Variants in KIF7 observed in about 807,000 individuals in gnomAD.
KIF7 encodes the protein kinesin family member 7.
Under a neutral mutation model 135.7 loss-of-function variants are expected in KIF7, and 104 were observed. That is an observed-to-expected ratio of 0.77 (90% CI 0.65 to 0.90). The LOEUF (loss-of-function observed/expected upper bound fraction) is 0.90, where lower values mean the gene tolerates loss of function less well. KIF7 is among the 40% of genes least tolerant of loss of function. KIF7 has a pLI of 0.00. For missense variants in KIF7, 2,005 were observed against 1,839.1 expected (o/e 1.09, Z -1.65); for synonymous variants, 883 against 809.4 (o/e 1.09, Z -1.54).
intron 11 of KIF7, 91 bp downstream of exon 11, chr15:89,642,112 G>C (rs1596074167): frequency 7.5e-7 from 1 of 1,337,686 alleles, no homozygotes; most frequent in South Asian, 1.2e-5. Context: ...AGTGAACTTG[G>C]GCCTCAGAGC....
upstream of KIF7, among the ~76,000 whole-genome samples, chr15:89,656,178 G>T (rs145708215): frequency 6.6e-6 from 1 of 152,230 alleles, no homozygotes; most frequent in Admixed American, 6.5e-5. Flanking sequence ...GAAATTGCCA[G>T]GCTCGTCAGA....
At chr15:89,632,200 C>A (rs561075564) in intron 14 of KIF7, among the ~76,000 whole-genome samples, 44 of 152,322 alleles carry the variant, frequency 2.9e-4, no homozygotes, top group African/African-American at 1.0e-3. Context: ...CTCTGCGGGC[C>A]TAGGACACTG....
At chr15:89,643,827 G>A (rs1049894768) in intron 10 of KIF7, among the ~76,000 whole-genome samples, 5 of 144,876 alleles carry the variant, frequency 3.5e-5, no homozygotes, top group African/African-American at 1.3e-4. Flanking sequence ...AGAGGTTGCA[G>A]TGAGCCAACA....
At chr15:89,642,173 A>G (rs774475886) in intron 11 of KIF7, 30 bp downstream of exon 11, 1 of 1,604,990 alleles carries the variant, frequency 6.2e-7, no homozygotes, top group Non-Finnish European at 8.5e-7. Context: ...GAGTCACCCC[A>G]GCACCCCACC....
At chr15:89,619,647 C>A in intron 1 of KIF7, 1 of 1,548,696 alleles carries the variant, frequency 6.5e-7, no homozygotes. Flanking sequence ...TTTTGGACAA[C>A]ATGAGAAAAT....
chr15:89,624,283 TTTA>T, downstream of KIF7: 2 of 1,614,200 alleles, frequency 1.2e-6, no homozygotes, highest in Non-Finnish European at 1.7e-6. Context: ...GAAGAGTCCA[TTTA>T]GGAAATCTAA....
At chr15:89,642,455 G>T in intron 10 of KIF7, 50 bp from the exon 11 acceptor site, 1 of 1,501,776 alleles carries the variant, frequency 6.7e-7, no homozygotes. Context: ...CCACCGAGAG[G>T]GCCAGCTGTT....
Position 89,645,550 on chromosome 15 carries a change from C to T in KIF7, c.1923-99G>A, listed in dbSNP as rs1963997001. On this transcript the variant is annotated intron_variant, in intron 8 of 18. Coordinates refer to ENST00000394412, the MANE Select transcript of KIF7 (RefSeq NM_198525.3). ...GAAGAAGAGAGGCCACCGGGTCTTC[C>T]ACCTCCCAGGGTCAATATAAACCCA... 3 of 936,082 alleles carry T rather than the reference C, an allele frequency of 3.2e-6. No individual in the cohort carries two copies. The Admixed American group carries it at 6.0e-5, about 19-fold the overall frequency. 58.0% of individuals were successfully genotyped at this position (936,082 alleles called of 1,614,324 possible).
intron 14 of KIF7, among the ~76,000 whole-genome samples, chr15:89,631,912 G>C (rs187343079): frequency 2.0e-5 from 3 of 152,326 alleles, no homozygotes; most frequent in South Asian, 2.1e-4. Context: ...TTTGCAGAGG[G>C]GCACTCAGAG....
chr15:89,624,066 G>A (rs368018768), downstream of KIF7: 357 of 1,613,696 alleles, frequency 2.2e-4, 2 homozygotes, highest in African/African-American at 3.8e-3. Flanking sequence ...GAACACCTCC[G>A]AGAGCAGCAG....
chr15:89,654,298 C>CGCA (rs57024181), intron 1 of KIF7, among the ~76,000 whole-genome samples: 41,461 of 150,104 alleles, frequency 0.28, 6,268 homozygotes, highest in East Asian at 0.43. Context: ...CGTAAGTCAC[C>CGCA]GTGCCCGGCC....
chr15:89,625,852 C>T, downstream of KIF7: 1 of 1,547,098 alleles, frequency 6.5e-7, no homozygotes. Context: ...GACAAGGAGG[C>T]ACTTGGGAGT....
chr15:89,644,886 T>C (rs981170399), intron 10 of KIF7, 127 bp downstream of exon 10: 3 of 1,237,258 alleles, frequency 2.4e-6, no homozygotes, highest in Non-Finnish European at 3.5e-6. Flanking sequence ...CTGGGCTGAG[T>C]ATCAAACCTA....
chr15:89,632,691 G>A (rs930105501), intron 14 of KIF7, 129 bp downstream of exon 14: 20 of 958,186 alleles, frequency 2.1e-5, no homozygotes, highest in African/African-American at 8.0e-5. Context: ...TCACTTGGAA[G>A]GACCTCACTT....
chr15:89,652,976 C>A, intron 1 of KIF7, 22 bp from the exon 2 acceptor site: 1 of 1,446,228 alleles, frequency 6.9e-7, no homozygotes, highest in South Asian at 1.4e-5. Flanking sequence ...GAGAGAAGCC[C>A]TGGCCATCAG....
In KIF7 at chr15:89,628,681, C is replaced by A. The variant is rs1208922826; in HGVS notation, c.3770G>T (p.Gly1257Val). 1.9e-6 allele frequency: 3 copies of A among 1,612,872 alleles called. No individual in the cohort carries two copies. Among genetic ancestry groups the A allele is most frequent in the Non-Finnish European group, 8.5e-7 (1 of 1,179,898 alleles). Residue 1257 changes from glycine (G) to valine (V), a missense_variant, in exon 19 of 19, where the codon GGG becomes GTG. Coordinates refer to ENST00000394412, the MANE Select transcript of KIF7 (RefSeq NM_198525.3). ...CGTCTCCTCCCGGGTGCGGGGGGCCCCCTCAGTGAGGGGGGACAGCCAGAG... is the reference window on the plus strand; with the variant it reads ...CGTCTCCTCCCGGGTGCGGGGGGCCACCTCAGTGAGGGGGGACAGCCAGAG... ...ELLWLSPLTE[G>V]APRTREETRD...
chr15:89,641,094 C>T (rs978545050), intron 11 of KIF7, among the ~76,000 whole-genome samples: 2 of 152,154 alleles, frequency 1.3e-5, no homozygotes, highest in African/African-American at 4.8e-5. Context: ...TAACCACCAG[C>T]ACCTCAGAAT....
At chr15:89,658,032 G>C (rs1276535666), upstream of KIF7, among the ~76,000 whole-genome samples, 3 of 152,240 alleles carry the variant, frequency 2.0e-5, no homozygotes, top group Admixed American at 6.5e-5. Context: ...CAGATCAGTA[G>C]GGGAAAGCTA....
chr15:89,635,828 C>T (rs963990692), intron 11 of KIF7, among the ~76,000 whole-genome samples: 18 of 152,040 alleles, frequency 1.2e-4, no homozygotes, highest in African/African-American at 2.2e-4. Flanking sequence ...TAACAGAGAA[C>T]GCCACAAAGA....
Sources: gnomAD v4.1 joint callset for allele counts (sites outside exome capture counted in the v4.1 genomes callset) on GRCh38, gnomAD v4.1.1 for gene constraint, MANE v1.5 for transcripts, NCBI Gene and HGNC (gene_info 2026-07-23, HGNC 2026-07-21) for gene names.